Variants in VAV2 observed in about 807,000 individuals in gnomAD.
The protein encoded by VAV2 is vav guanine nucleotide exchange factor 2.
A neutral mutation model predicts 132.5 loss-of-function variants in VAV2; 67 were observed. The observed-to-expected ratio is 0.51, with a 90% CI of 0.42 to 0.62. The LOEUF (loss-of-function observed/expected upper bound fraction) is 0.62. Among genes scored for constraint, VAV2 ranks in the 20% least tolerant of loss-of-function variants. The probability of loss-of-function intolerance (pLI) is 0.00; values close to 1 mark genes in which losing one functional copy is unlikely to be tolerated. For missense variants in VAV2, 938 were observed against 1,153.6 expected (o/e 0.81, Z 2.71); for synonymous variants, 492 against 443.5 (o/e 1.11, Z -1.37).
At chr9:133,903,680 C>T (rs1404440727) in intron 2 of VAV2, among the ~76,000 whole-genome samples, 1 of 152,148 alleles carries the variant, frequency 6.6e-6, no homozygotes, top group African/African-American at 2.4e-5. Context: ...AAGGTCTACC[C>T]CTGCTCCTAG....
chr9:133,990,323 G>A (rs746094940), intron 1 of VAV2, among the ~76,000 whole-genome samples: 1 of 152,150 alleles, frequency 6.6e-6, no homozygotes, highest in Non-Finnish European at 1.5e-5. Context: ...GTCAGGGTTC[G>A]TATTGCTGCC....
chr9:133,825,072 T>C (rs558704512), intron 4 of VAV2, among the ~76,000 whole-genome samples: 1 of 152,134 alleles, frequency 6.6e-6, no homozygotes, highest in Admixed American at 6.5e-5. Context: ...GAAGCCCAGG[T>C]GGGGCCGAGC....
At chr9:133,799,340 G>A (rs60795466) in intron 9 of VAV2, among the ~76,000 whole-genome samples, 8,118 of 152,238 alleles carry the variant, frequency 0.053, 756 homozygotes, top group African/African-American at 0.19. Context: ...AGCGCTGCGC[G>A]TGGGGTCCAG....
chr9:133,980,090 C>T (rs1343046291), intron 1 of VAV2, among the ~76,000 whole-genome samples: 2 of 152,218 alleles, frequency 1.3e-5, no homozygotes, highest in East Asian at 3.9e-4. Flanking sequence ...GCAGGAGGCC[C>T]AGGACCGGAA....
chr9:133,954,084 C>T (rs1477579582), intron 1 of VAV2, among the ~76,000 whole-genome samples: 1 of 152,204 alleles, frequency 6.6e-6, no homozygotes, highest in African/African-American at 2.4e-5. Flanking sequence ...CAACGTGCAA[C>T]AAACACGGCC....
At chr9:133,781,384 G>A (rs1223962945) in intron 19 of VAV2, among the ~76,000 whole-genome samples, 2 of 152,208 alleles carry the variant, frequency 1.3e-5, no homozygotes, top group East Asian at 1.9e-4. Context: ...CATCGCTGAC[G>A]TGACCTCCAC....
At chr9:133,937,527 AGTGTGTGTGAGAGT>A (rs1173773260) in intron 2 of VAV2, among the ~76,000 whole-genome samples, 105 of 110,596 alleles carry the variant, frequency 9.5e-4, no homozygotes, top group South Asian at 1.3e-3. Context: ...CGCGTGTGAG[AGTGTGTGTGAGAGT>A]GTGTGTGTGT....
At chr9:133,850,210 G>A (rs771738722) in intron 3 of VAV2, among the ~76,000 whole-genome samples, 3 of 152,228 alleles carry the variant, frequency 2.0e-5, no homozygotes, top group Non-Finnish European at 4.4e-5. Context: ...CCAGGAGCAA[G>A]GATCCCAGCC....
At position 133,834,301 on chromosome 9, in the gene VAV2, G is replaced by A. The variant is rs117774381; in HGVS notation, c.420C>T (p.Asp140=). The change falls in exon 4 of 30, where the codon GAC becomes GAT. Residue 140 remains aspartate, a synonymous_variant. Coordinates refer to ENST00000371850, the MANE Select transcript of VAV2 (RefSeq NM_001134398.2). The surrounding 1 kb of genome is among the most constrained non-coding windows in gnomAD (Gnocchi z 5.9). ...CCAGCTCCTCCAGGCTGCGGTAGAC[G>A]TCATCGTCATTCTCTGTGGTCTCCT... ...PSEETTENDD[D]VYRSLEELAD... is the part of the protein sequence containing the mutation. 2.4e-5 allele frequency: 38 copies of A among 1,612,572 alleles called. No individual in the cohort carries two copies. Among genetic ancestry groups the A allele is most frequent in the Admixed American group, 5.0e-5 (3 of 59,862 alleles).
chr9:133,820,329 CTTT>C (rs1235525920), intron 4 of VAV2, among the ~76,000 whole-genome samples: 2 of 131,476 alleles, frequency 1.5e-5, no homozygotes, highest in African/African-American at 3.5e-5. Context: ...TTTTCTTTTT[CTTT>C]TTTTTTTTTT....
chr9:133,875,186 C>T (rs1346035265), intron 2 of VAV2, among the ~76,000 whole-genome samples: 1 of 152,192 alleles, frequency 6.6e-6, no homozygotes, highest in East Asian at 1.9e-4. Flanking sequence ...GTGTGCAAGC[C>T]GGGGCTCAGG....
At chr9:133,882,820 C>A (rs751064419) in intron 2 of VAV2, among the ~76,000 whole-genome samples, 1 of 152,010 alleles carries the variant, frequency 6.6e-6, no homozygotes, top group African/African-American at 2.4e-5. Context: ...CCTGGGGCCC[C>A]TGAACCCCTG....
At chr9:133,777,590 T>C in intron 22 of VAV2, 127 bp from the exon 23 acceptor site, 1 of 931,536 alleles carries the variant, frequency 1.1e-6, no homozygotes, top group Non-Finnish European at 1.6e-6. Context: ...ATGTCTTCTT[T>C]CCCAACCTCA....
At chr9:133,895,636 G>A (rs1839168396) in intron 2 of VAV2, among the ~76,000 whole-genome samples, 1 of 152,158 alleles carries the variant, frequency 6.6e-6, no homozygotes, top group South Asian at 2.1e-4. Flanking sequence ...GCCAGGGGCT[G>A]GGGAAATTTG....
At chr9:133,936,242 CTT>C (rs35091336) in intron 2 of VAV2, among the ~76,000 whole-genome samples, 47 of 134,824 alleles carry the variant, frequency 3.5e-4, no homozygotes, top group African/African-American at 6.3e-4. Flanking sequence ...GCCATTGCGT[CTT>C]TTTTTTTTTT....
At chr9:133,890,315 C>T (rs1399338590) in intron 2 of VAV2, among the ~76,000 whole-genome samples, 3 of 152,212 alleles carry the variant, frequency 2.0e-5, no homozygotes, top group Non-Finnish European at 2.9e-5. Context: ...GAGGGACTGA[C>T]GGCGCGTCTC....
At chr9:133,773,022 C>T (rs1035545062) in intron 25 of VAV2, among the ~76,000 whole-genome samples, 9 of 132,630 alleles carry the variant, frequency 6.8e-5, no homozygotes, top group East Asian at 2.0e-4. Context: ...CTAGGCTGGA[C>T]GGCAGAGCCT....
intron 1 of VAV2, among the ~76,000 whole-genome samples, chr9:133,943,769 T>C (rs1413933536): frequency 1.3e-5 from 2 of 152,226 alleles, no homozygotes; most frequent in African/African-American, 4.8e-5. Context: ...GAATCCCTTG[T>C]CCAGGCTCTG....
chr9:133,873,369 A>T (rs1166348206), intron 2 of VAV2, among the ~76,000 whole-genome samples: 10 of 152,096 alleles, frequency 6.6e-5, no homozygotes, highest in Non-Finnish European at 1.2e-4. Context: ...ACCGCAAGAC[A>T]TACAGATGGC....
Sources: allele counts gnomAD v4.1 joint callset (sites outside exome capture counted in the v4.1 genomes callset), GRCh38; gene constraint gnomAD v4.1.1; non-coding constraint Gnocchi (gnomAD v3.1); transcripts MANE v1.5; gene names NCBI Gene and HGNC (gene_info 2026-07-23, HGNC 2026-07-21).